KDM4C: variants seen among roughly 807,000 people sequenced by gnomAD.
The protein encoded by KDM4C is lysine demethylase 4C, also known as lysine-specific demethylase 4C.
A neutral mutation model predicts 129.3 loss-of-function variants in KDM4C; 81 were observed. The ratio of observed to expected loss-of-function variants is 0.63; its 90% CI spans 0.52 to 0.75. The LOEUF is 0.75. KDM4C is among the 30% of genes least tolerant of loss of function. The pLI is 0.00. For missense variants in KDM4C, 1,457 were observed against 1,304.0 expected, an observed-to-expected ratio of 1.12 and a Z score of -1.81; for synonymous variants, 573 against 456.1, an observed-to-expected ratio of 1.26 and a Z score of -3.26.
At chr9:7,021,278 G>A (rs1824806557) in intron 15 of KDM4C, among the ~76,000 whole-genome samples, 1 of 151,834 alleles carries the variant, frequency 6.6e-6, no homozygotes, top group Non-Finnish European at 1.5e-5. Flanking sequence ...CTGGGTAGCT[G>A]GGATTACAGG....
At chr9:6,971,727 TGTA>T in intron 8 of KDM4C, among the ~76,000 whole-genome samples, 1 of 152,342 alleles carries the variant, frequency 6.6e-6, no homozygotes, top group Non-Finnish European at 1.5e-5. Flanking sequence ...ACTTCCCCCA[TGTA>T]GTAATGCAAT....
intron 1 of KDM4C, among the ~76,000 whole-genome samples, chr9:6,782,761 T>C (rs978858431): frequency 2.0e-5 from 3 of 152,136 alleles, no homozygotes; most frequent in Non-Finnish European, 4.4e-5. Flanking sequence ...AAAAGAGGGA[T>C]AGCATCATCA....
At chr9:6,988,709 C>CCA (rs1818192538) in intron 11 of KDM4C, among the ~76,000 whole-genome samples, 4 of 151,862 alleles carry the variant, frequency 2.6e-5, no homozygotes, top group Admixed American at 6.6e-5. Context: ...TCCATCCATT[C>CCA]ATCTTGGGCT....
chr9:7,049,462 T>C (rs939122648), intron 17 of KDM4C, among the ~76,000 whole-genome samples: 2 of 152,122 alleles, frequency 1.3e-5, no homozygotes, highest in Admixed American at 1.3e-4. Context: ...ATGTGAACTT[T>C]CAAACTATAG....
Position 6,919,537 on chromosome 9 carries a change from GTCTGTCTGTCTATCTATCTA to G in KDM4C, c.921+26309_921+26328del, listed in dbSNP as rs1457957062. Among the ~76,000 whole-genome samples, 514 of 94,912 alleles carry G rather than the reference GTCTGTCTGTCTATCTATCTA, an allele frequency of 5.4e-3. 5 individuals are homozygous for G. Among genetic ancestry groups the G allele is most frequent in the African/African-American group, 0.017 (411 of 23,662 alleles). 62.3% of individuals were successfully genotyped at this position (94,912 alleles called of 152,430 possible). A position where few individuals can be genotyped will look rare whatever the true frequency, so the allele number is the denominator to read the frequency against. On this transcript the variant is annotated intron_variant, in intron 8 of 21. Transcript: ENST00000381309. ...TTTCATCTTTCAATTTCATCTGTCT[GTCTGTCTGTCTATCTATCTA>G]TCTATCTATCTATCTATCTATCTAT...
At chr9:6,908,590 C>G (rs1229704323) in intron 8 of KDM4C, among the ~76,000 whole-genome samples, 1 of 151,822 alleles carries the variant, frequency 6.6e-6, no homozygotes, top group Non-Finnish European at 1.5e-5. Context: ...CCCTGTGGGA[C>G]CAGGTGTGAC....
At chr9:6,730,711 A>T (rs1817304002) in intron 1 of KDM4C, among the ~76,000 whole-genome samples, 1 of 152,082 alleles carries the variant, frequency 6.6e-6, no homozygotes, top group African/African-American at 2.4e-5. Flanking sequence ...ATTCAGAGAG[A>T]CTCCAGGGAT....
rs777647025 is a variant in KDM4C at position 6,981,030 on chromosome 9, A to C, written c.1027A>C (p.Ile343Leu). 3 of 1,613,816 alleles carry C rather than the reference A, an allele frequency of 1.9e-6. No homozygotes were observed. Among genetic ancestry groups the C allele is most frequent in the Non-Finnish European group, 2.5e-6 (3 of 1,179,856 alleles). Residue 343 changes from isoleucine (I) to leucine (L), a missense_variant, in exon 9 of 22, where the codon ATT becomes CTT. By Grantham distance (5) the Ile-to-Leu change is conservative (BLOSUM62 2). Coordinates refer to ENST00000381309, the MANE Select transcript of KDM4C (RefSeq NM_015061.6). Reference sequence around the variant, plus strand: ...GAAACAAGGAAAGGATATATACACCATTGATCACACGAAGCCTACTCCAGC... The same window carrying C: ...GAAACAAGGAAAGGATATATACACCCTTGATCACACGAAGCCTACTCCAGC... ...LWKQGKDIYTIDHTKPTPAST... is the reference protein window; with the variant it reads ...LWKQGKDIYTLDHTKPTPAST...
intron 4 of KDM4C, among the ~76,000 whole-genome samples, chr9:6,843,820 C>G (rs1029217816): frequency 1.3e-5 from 2 of 152,088 alleles, no homozygotes; most frequent in Admixed American, 6.6e-5. Flanking sequence ...TATTTTTTGT[C>G]TAAAAAAATC....
chr9:7,169,480 C>T (rs1844740276), intron 20 of KDM4C, among the ~76,000 whole-genome samples: 2 of 152,146 alleles, frequency 1.3e-5, no homozygotes, highest in Non-Finnish European at 2.9e-5. Flanking sequence ...GGACTACAGG[C>T]ATGCGCCACC....
intron 8 of KDM4C, among the ~76,000 whole-genome samples, chr9:6,962,254 C>T (rs1179668914): frequency 1.3e-5 from 2 of 152,254 alleles, no homozygotes; most frequent in East Asian, 3.9e-4. Flanking sequence ...GCTTAAGCTC[C>T]CTTCCTGTAG....
chr9:6,841,092 G>T (rs1216735529), intron 4 of KDM4C, among the ~76,000 whole-genome samples: 1 of 152,106 alleles, frequency 6.6e-6, no homozygotes, highest in Non-Finnish European at 1.5e-5. Flanking sequence ...TCTTTAACAG[G>T]TTCTTTCAGT....
At chr9:6,995,960 G>A (rs113145067) in intron 12 of KDM4C, among the ~76,000 whole-genome samples, 2,519 of 152,252 alleles carry the variant, frequency 0.017, 68 homozygotes, top group African/African-American at 0.056. Context: ...GAGCCACCGC[G>A]CCCGGCCCTG....
chr9:7,008,612 C>A (rs1306531147), intron 12 of KDM4C, among the ~76,000 whole-genome samples: 1 of 152,188 alleles, frequency 6.6e-6, no homozygotes. Flanking sequence ...GACCAAACAT[C>A]CAGGAACATC....
chr9:6,904,238 CA>C (rs900932068), intron 8 of KDM4C, among the ~76,000 whole-genome samples: 5 of 149,184 alleles, frequency 3.4e-5, no homozygotes, highest in Admixed American at 2.0e-4. Flanking sequence ...GACTCCATCT[CA>C]AAAAAAAGAA....
chr9:7,044,701 C>T (rs1169050015), intron 15 of KDM4C, among the ~76,000 whole-genome samples: 1 of 151,930 alleles, frequency 6.6e-6, no homozygotes, highest in African/African-American at 2.4e-5. Context: ...ACCTGTGGCA[C>T]TGTTAGTCAG....
chr9:7,101,174 A>G (rs1384420500), intron 17 of KDM4C, among the ~76,000 whole-genome samples: 2 of 152,178 alleles, frequency 1.3e-5, no homozygotes, highest in East Asian at 3.8e-4. Context: ...TAGCATGCCT[A>G]TTCATGTTAT....
At chr9:6,900,321 T>C (rs1483294777) in intron 8 of KDM4C, among the ~76,000 whole-genome samples, 1 of 152,256 alleles carries the variant, frequency 6.6e-6, no homozygotes, top group Admixed American at 6.5e-5. Context: ...CTAGGTGTAA[T>C]GGCTTAAATA....
chr9:6,850,478 C>T (rs532052509), intron 5 of KDM4C, among the ~76,000 whole-genome samples: 1 of 151,996 alleles, frequency 6.6e-6, no homozygotes, highest in Non-Finnish European at 1.5e-5. Context: ...TGAAGTCTTG[C>T]TCTGTCGCCC....
Sources: allele counts gnomAD v4.1 joint callset (sites outside exome capture counted in the v4.1 genomes callset), GRCh38; gene constraint gnomAD v4.1.1; transcripts MANE v1.5; gene names NCBI Gene and HGNC (gene_info 2026-07-23, HGNC 2026-07-21).